The following CEMIP variants were observed in gnomAD, a reference collection of about 807,000 sequenced individuals.
CEMIP encodes the protein cell migration-inducing and hyaluronan-binding protein.
Under a neutral mutation model 156.9 loss-of-function variants are expected in CEMIP, and 105 were observed. The observed-to-expected ratio is 0.67, with a 90% CI of 0.57 to 0.79. CEMIP has a LOEUF of 0.79. CEMIP is among the 30% of genes least tolerant of loss of function. CEMIP has a pLI of 0.00. For synonymous variants in CEMIP, 676 were observed against 668.4 expected, an observed-to-expected ratio of 1.01 and a Z score of -0.17; for missense variants, 1,457 against 1,769.4, an observed-to-expected ratio of 0.82 and a Z score of 3.17.
At chr15:80,819,443 C>G (rs972300069) in intron 1 of CEMIP, among the ~76,000 whole-genome samples, 1 of 152,114 alleles carries the variant, frequency 6.6e-6, no homozygotes, top group African/African-American at 2.4e-5. Context: ...ATCAGGATGC[C>G]AGTGGTGTGG....
rs151225747 is a variant in CEMIP, at chr15:80,781,251, C to T, written c.-176+1637C>T. Among the ~76,000 whole-genome samples, 284 of 152,228 alleles carry T rather than the reference C, an allele frequency of 1.9e-3. 2 individuals are homozygous for T. The highest frequency in any genetic ancestry group is 6.3e-3 in the African/African-American group (260 of 41,514). On this transcript the variant is annotated intron_variant, in intron 1 of 29. Transcript: ENST00000394685. ...GGATTGGGAGGATATATTAGTTTTA[C>T]GATTAATGATAGAATGGAGAAGAAA...
intron 12 of CEMIP, among the ~76,000 whole-genome samples, chr15:80,898,112 T>G (rs999343129): frequency 6.6e-6 from 1 of 152,246 alleles, no homozygotes; most frequent in African/African-American, 2.4e-5. Flanking sequence ...GTTGGTCACA[T>G]TCTATGAAGA....
intron 25 of CEMIP, among the ~76,000 whole-genome samples, chr15:80,938,939 A>T (rs1036352030): frequency 1.3e-5 from 2 of 152,222 alleles, no homozygotes; most frequent in Admixed American, 1.3e-4. Context: ...AAAGAAACTG[A>T]TAACAGATGA....
intron 3 of CEMIP, among the ~76,000 whole-genome samples, chr15:80,877,306 G>C (rs1037383684): frequency 6.6e-6 from 1 of 152,158 alleles, no homozygotes; most frequent in Admixed American, 6.5e-5. Context: ...CTTTGCTCAA[G>C]AGACACAGCC....
At chr15:80,948,593 G>C (rs1901668511) in intron 29 of CEMIP, 1 of 679,658 alleles carries the variant, frequency 1.5e-6, no homozygotes, top group African/African-American at 1.8e-5. Context: ...GTGAGGCTCA[G>C]GTGAGACCCT....
At chr15:80,817,588 G>A (rs1353342470) in intron 1 of CEMIP, among the ~76,000 whole-genome samples, 1 of 141,460 alleles carries the variant, frequency 7.1e-6, no homozygotes, top group African/African-American at 2.6e-5. Flanking sequence ...GTGACAGAGT[G>A]GGACCCTGTC....
intron 12 of CEMIP, chr15:80,897,183 C>T (rs1228568120): frequency 1.3e-5 from 6 of 447,002 alleles, no homozygotes; most frequent in Admixed American, 2.4e-5. Context: ...GACCATACCA[C>T]CTGGAGGAGT....
intron 1 of CEMIP, among the ~76,000 whole-genome samples, chr15:80,834,080 A>G (rs1897217066): frequency 6.6e-6 from 1 of 152,182 alleles, no homozygotes; most frequent in African/African-American, 2.4e-5. Flanking sequence ...CTAGGTGCCA[A>G]TAGCACCCCC....
At chr15:80,908,913 G>A (rs908016263) in intron 13 of CEMIP, among the ~76,000 whole-genome samples, 184 bp from the exon 14 acceptor site, 5 of 152,206 alleles carry the variant, frequency 3.3e-5, no homozygotes, top group African/African-American at 1.2e-4. Flanking sequence ...TGCCTTGCCT[G>A]TCTTCCACAG....
At chr15:80,787,383 G>A (rs142970536) in intron 1 of CEMIP, among the ~76,000 whole-genome samples, 216 of 152,368 alleles carry the variant, frequency 1.4e-3, no homozygotes, top group African/African-American at 5.0e-3. Context: ...TGGCAGATGG[G>A]TTTCCCTCCA....
chr15:80,871,052 G>A (rs1171948757), intron 1 of CEMIP, among the ~76,000 whole-genome samples: 2 of 152,208 alleles, frequency 1.3e-5, no homozygotes, highest in Non-Finnish European at 2.9e-5. Flanking sequence ...GGACTATCTT[G>A]CCAGCTAAGA....
chr15:80,795,136 A>T (rs1896185328), intron 1 of CEMIP, among the ~76,000 whole-genome samples: 1 of 152,020 alleles, frequency 6.6e-6, no homozygotes, highest in Non-Finnish European at 1.5e-5. Context: ...AGGGGGCAGG[A>T]AGGGGATCAT....
intron 28 of CEMIP, among the ~76,000 whole-genome samples, chr15:80,943,601 A>C (rs762562572): frequency 2.6e-5 from 4 of 152,226 alleles, no homozygotes; most frequent in Non-Finnish European, 1.5e-5. Flanking sequence ...TGATGAAATC[A>C]TCACAATTCA....
At chr15:80,910,931 C>G (rs1596184514) in intron 14 of CEMIP, among the ~76,000 whole-genome samples, 1 of 152,302 alleles carries the variant, frequency 6.6e-6, no homozygotes, top group Admixed American at 6.5e-5. Context: ...TGTTTTCTGG[C>G]TGAAGCTGAA....
chr15:80,944,751 T>C (rs1413077311), intron 28 of CEMIP, among the ~76,000 whole-genome samples: 1 of 152,172 alleles, frequency 6.6e-6, no homozygotes, highest in African/African-American at 2.4e-5. Context: ...AGTTATCCTC[T>C]AGAGATCATG....
At chr15:80,852,744 A>G (rs1897744565) in intron 1 of CEMIP, among the ~76,000 whole-genome samples, 1 of 152,148 alleles carries the variant, frequency 6.6e-6, no homozygotes, top group Non-Finnish European at 1.5e-5. Context: ...CAGCCAGGTA[A>G]GGTGGTGCTT....
chr15:80,941,846 C>T lies in CEMIP; in HGVS notation c.3408-3C>T, dbSNP rs1156905652. 3 of 1,612,924 alleles carry T rather than the reference C, an allele frequency of 1.9e-6. No homozygotes were observed. Among genetic ancestry groups the T allele is most frequent in the Admixed American group, 1.7e-5 (1 of 59,992 alleles). On this transcript the variant is annotated splice_polypyrimidine_tract_variant and splice_region_variant and intron_variant, in intron 25 of 29. Transcript: ENST00000394685. The stretch of plus-strand genomic sequence containing the variant: ...AATGCCCAGCAATGCTCCTTGTGTG[C>T]AGGCTGTTGTTCCTGAAGCTGAAAG...
At chr15:80,942,418 A>C in intron 27 of CEMIP, 81 bp downstream of exon 27, 1 of 1,214,584 alleles carries the variant, frequency 8.2e-7, no homozygotes, top group Non-Finnish European at 1.2e-6. Context: ...GGCACAAATT[A>C]CTGCAAACTG....
intron 1 of CEMIP, among the ~76,000 whole-genome samples, chr15:80,833,749 A>G (rs935669317): frequency 6.6e-6 from 1 of 150,976 alleles, no homozygotes; most frequent in African/African-American, 2.4e-5. Context: ...GTTCACTGCA[A>G]TCTCTGCCTC....
Sources: allele counts gnomAD v4.1 joint callset (sites outside exome capture counted in the v4.1 genomes callset), GRCh38; gene constraint gnomAD v4.1.1; transcripts MANE v1.5; gene names NCBI Gene and HGNC (gene_info 2026-07-23, HGNC 2026-07-21).